Variants in MYO7A observed in about 807,000 individuals in gnomAD.
MYO7A encodes the protein unconventional myosin-VIIa.
Under a neutral mutation model 263.8 loss-of-function variants are expected in MYO7A, and 210 were observed. The observed-to-expected ratio is 0.80, with a 90% CI of 0.71 to 0.89. The LOEUF is 0.89. MYO7A is among the 40% of genes least tolerant of loss of function. MYO7A has a pLI of 0.00. For synonymous variants in MYO7A, 1,239 were observed against 1,197.3 expected (o/e 1.03, Z -0.72); for missense variants, 2,820 against 2,968.3 (o/e 0.95, Z 1.16).
intron 14 of MYO7A, among the ~76,000 whole-genome samples, chr11:77,163,275 C>G (rs1251314103): frequency 6.6e-6 from 1 of 152,146 alleles, no homozygotes; most frequent in Non-Finnish European, 1.5e-5. Flanking sequence ...TACCCCCGGC[C>G]CCCTGTAACC....
intron 29 of MYO7A, 45 bp downstream of exon 29, chr11:77,190,184 G>A (rs367905892): frequency 1.2e-4 from 183 of 1,493,254 alleles, no homozygotes; most frequent in African/African-American, 8.1e-4. Flanking sequence ...GTGTGCGCAC[G>A]TGTGTAAATG....
At chr11:77,199,031 C>T (rs1956879988) in intron 34 of MYO7A, among the ~76,000 whole-genome samples, 2 of 152,190 alleles carry the variant, frequency 1.3e-5, no homozygotes, top group South Asian at 4.1e-4. Flanking sequence ...AAGTGCAGTG[C>T]ACATAGGTGG....
At chr11:77,159,301 G>A in intron 9 of MYO7A, 146 bp from the exon 10 acceptor site, 1 of 671,284 alleles carries the variant, frequency 1.5e-6, no homozygotes, top group Admixed American at 2.3e-5. Context: ...TTGACCTGGG[G>A]AAGCATTTAG....
chr11:77,211,735 G>A, intron 45 of MYO7A, 86 bp from the exon 46 acceptor site: 3 of 1,026,542 alleles, frequency 2.9e-6, no homozygotes, highest in Non-Finnish European at 4.5e-6. Context: ...GGGTGGTGTG[G>A]GGAGGACTCT....
At position 77,172,944 on chromosome 11, in the gene MYO7A, G is replaced by A. The variant is rs999598069; in HGVS notation, c.1935+59G>A. On this transcript the variant is annotated intron_variant, in intron 16 of 48. Coordinates refer to ENST00000409709, the MANE Select transcript of MYO7A (RefSeq NM_000260.4). The stretch of plus-strand genomic sequence containing the variant: ...GGCTAGGGTGACGTGGAGGAGCTAG[G>A]TCAAGAATAAGGTAGGGTGGGAGTG... 27 of 1,510,824 alleles carry A rather than the reference G, an allele frequency of 1.8e-5. No individual in the cohort carries two copies. The African/African-American group carries it at 2.4e-4, about 13-fold the overall frequency. 93.6% of individuals were successfully genotyped at this position (1,510,824 alleles called of 1,614,324 possible). A position where few individuals can be genotyped will look rare whatever the true frequency, so the allele number is the denominator to read the frequency against.
At chr11:77,175,332 G>C in intron 17 of MYO7A, 40 bp from the exon 18 acceptor site, 2 of 1,589,934 alleles carry the variant, frequency 1.3e-6, no homozygotes, top group Non-Finnish European at 1.7e-6. Flanking sequence ...TCCCACTGGA[G>C]AGGCTGTCCA....
Position 77,157,276 on chromosome 11 carries a change from C to T in MYO7A, c.736-3C>T, listed in dbSNP as rs1555063792. On this transcript the variant is annotated splice_polypyrimidine_tract_variant and splice_region_variant and intron_variant, in intron 7 of 48. Coordinates refer to ENST00000409709, the MANE Select transcript of MYO7A (RefSeq NM_000260.4). ...GCCCCCAGCACTGTGCCCACATTTT[C>T]AGGCCCTGGATGAAAGGAACTACCA... is the stretch of plus-strand genomic sequence containing the variant. 2 of 1,602,100 alleles carry T rather than the reference C, an allele frequency of 1.2e-6. No individual in the cohort carries two copies. The highest frequency in any genetic ancestry group is 8.5e-7 in the Non-Finnish European group (1 of 1,174,998).
At chr11:77,160,583 G>C (rs1379137242) in intron 11 of MYO7A, among the ~76,000 whole-genome samples, 3 of 152,154 alleles carry the variant, frequency 2.0e-5, no homozygotes, top group Non-Finnish European at 4.4e-5. Flanking sequence ...ATCTAGGTCA[G>C]GTCCTGTTTC....
At chr11:77,177,127 A>G (rs554321242) in intron 18 of MYO7A, among the ~76,000 whole-genome samples, 178 of 152,260 alleles carry the variant, frequency 1.2e-3, no homozygotes, top group Non-Finnish European at 2.2e-3. Flanking sequence ...AGAGGGAGCC[A>G]GGAGGCCGCG....
At chr11:77,192,959 TTGG>T (rs1956250068) in intron 31 of MYO7A, among the ~76,000 whole-genome samples, 2 of 51,802 alleles carry the variant, frequency 3.9e-5, no homozygotes, top group Non-Finnish European at 7.8e-5. Flanking sequence ...AGTGATGGTG[TTGG>T]TGATGGTGGA....
chr11:77,167,616 C>T (rs1238927840), intron 15 of MYO7A, among the ~76,000 whole-genome samples: 1 of 152,146 alleles, frequency 6.6e-6, no homozygotes, highest in Non-Finnish European at 1.5e-5. Flanking sequence ...GCTGGGTACC[C>T]CTTAGCAACA....
Position 77,142,694 on chromosome 11 carries a change from C to T in MYO7A, c.19-15C>T. 1 of 1,595,814 alleles carries T rather than the reference C, an allele frequency of 6.3e-7. No individual in the cohort carries two copies. Among genetic ancestry groups the T allele is most frequent in the Non-Finnish European group, 8.5e-7 (1 of 1,169,620 alleles). On this transcript the variant is annotated splice_polypyrimidine_tract_variant and intron_variant, in intron 2 of 48. Transcript: ENST00000409709. The stretch of plus-strand genomic sequence containing the variant: ...CTCCCTGCTCACCTGGGCTGAGACT[C>T]TCTCTCGCCCATAGGGGGACCATGT...
At chr11:77,212,129 C>T in intron 46 of MYO7A, 192 bp downstream of exon 46, 2 of 688,248 alleles carry the variant, frequency 2.9e-6, no homozygotes, top group Non-Finnish European at 5.3e-6. Flanking sequence ...ACAGAGGGAC[C>T]AGAAGAAGCT....
chr11:77,151,029 C>T (rs950500530), intron 4 of MYO7A, among the ~76,000 whole-genome samples: 3 of 152,214 alleles, frequency 2.0e-5, no homozygotes, highest in African/African-American at 2.4e-5. Flanking sequence ...CTTGGGCCGG[C>T]GGATGCTCTG....
intron 12 of MYO7A, 131 bp from the exon 13 acceptor site, chr11:77,161,989 C>T (rs964891428): frequency 9.7e-5 from 81 of 836,232 alleles, no homozygotes; most frequent in Non-Finnish European, 1.3e-4. Context: ...CAATTCCCCT[C>T]GCCTCTGAGT....
At chr11:77,208,602 G>C in intron 43 of MYO7A, 85 bp downstream of exon 43, 1 of 1,512,206 alleles carries the variant, frequency 6.6e-7, no homozygotes. Context: ...CCACCTAGGC[G>C]GGCCTGAGTG....
chr11:77,129,848 C>T (rs542584767), intron 1 of MYO7A, among the ~76,000 whole-genome samples: 6 of 152,220 alleles, frequency 3.9e-5, no homozygotes, highest in South Asian at 2.1e-4. Flanking sequence ...CAAGAGCTGG[C>T]GTATTTCAGG....
chr11:77,135,867 T>A (rs1219168844), intron 2 of MYO7A, among the ~76,000 whole-genome samples: 1 of 152,178 alleles, frequency 6.6e-6, no homozygotes, highest in Non-Finnish European at 1.5e-5. Context: ...GTGCCTTTGG[T>A]CGCTTTGTAT....
At position 77,183,211 on chromosome 11, in the gene MYO7A, C is replaced by G. The variant is rs1300466854; in HGVS notation, c.3375+54C>G. On this transcript the variant is annotated intron_variant, in intron 26 of 48. Transcript: ENST00000409709. The stretch of plus-strand genomic sequence containing the variant: ...CCCAGGGGTGGCTGCCTTAGGTGGC[C>G]TAGGCTGGAGCACAGCTGAGCTGGG... 9 of 1,465,148 alleles carry G rather than the reference C, an allele frequency of 6.1e-6. No individual in the cohort carries two copies. The South Asian group carries it at 1.1e-4, about 18-fold the overall frequency. The allele number at this position is 1,465,148 out of a possible 1,614,324, so 90.8% of individuals were successfully genotyped here.
Sources: allele counts gnomAD v4.1 joint callset (sites outside exome capture counted in the v4.1 genomes callset), GRCh38; gene constraint gnomAD v4.1.1; transcripts MANE v1.5; gene names NCBI Gene and HGNC (gene_info 2026-07-23, HGNC 2026-07-21).